GPM6A: variants seen among roughly 807,000 people sequenced by gnomAD.
GPM6A encodes glycoprotein M6A.
A neutral mutation model predicts 32.1 loss-of-function variants in GPM6A; 7 were observed. The ratio of observed to expected loss-of-function variants is 0.22; its 90% CI spans 0.12 to 0.41. The LOEUF is 0.41. Among genes scored for constraint, GPM6A ranks in the 10% least tolerant of loss-of-function variants. The pLI is 1.00. For synonymous variants in GPM6A, 130 were observed against 123.4 expected (o/e 1.05, Z -0.35); for missense variants, 235 against 347.2 (o/e 0.68, Z 2.57).
chr4:175,849,768 A>G (rs1736196489), intron 1 of GPM6A, among the ~76,000 whole-genome samples: 1 of 152,182 alleles, frequency 6.6e-6, no homozygotes, highest in Non-Finnish European at 1.5e-5. Context: ...AGAAGACAGA[A>G]ATATTTATAG....
intron 1 of GPM6A, among the ~76,000 whole-genome samples, chr4:175,893,721 G>T (rs918787249): frequency 2.6e-5 from 4 of 152,090 alleles, no homozygotes; most frequent in African/African-American, 7.2e-5. Context: ...TCTTTGTTCA[G>T]ATCAGATTTG....
chr4:175,813,592 A>G (rs752455237), upstream of GPM6A, among the ~76,000 whole-genome samples: 8 of 151,904 alleles, frequency 5.3e-5, no homozygotes, highest in Admixed American at 5.2e-4. Flanking sequence ...ACACACACAC[A>G]AGGACACACA....
intron 1 of GPM6A, among the ~76,000 whole-genome samples, chr4:175,742,797 C>A (rs766555650): frequency 2.6e-5 from 4 of 152,010 alleles, no homozygotes; most frequent in Non-Finnish European, 5.9e-5. Context: ...TCAAGGAGAG[C>A]CCTAAATATG....
intron 1 of GPM6A, among the ~76,000 whole-genome samples, chr4:176,001,139 A>G (rs902240196): frequency 2.6e-5 from 4 of 152,178 alleles, no homozygotes; most frequent in African/African-American, 9.7e-5. Flanking sequence ...TTAGTAGTCA[A>G]AGCATCCCCT....
intron 1 of GPM6A, among the ~76,000 whole-genome samples, chr4:175,738,831 A>G (rs1010915225): frequency 6.6e-6 from 1 of 152,186 alleles, no homozygotes; most frequent in Non-Finnish European, 1.5e-5. Flanking sequence ...TTTTAGCTGC[A>G]TGCTGAGCTC....
chr4:175,715,357 A>G (rs965644381), intron 1 of GPM6A, among the ~76,000 whole-genome samples: 1 of 152,194 alleles, frequency 6.6e-6, no homozygotes, highest in Non-Finnish European at 1.5e-5. Context: ...GGGATTGTTC[A>G]CGCAGATGCA....
chr4:175,883,610 A>T (rs887669337), intron 1 of GPM6A, among the ~76,000 whole-genome samples: 12 of 152,150 alleles, frequency 7.9e-5, no homozygotes, highest in African/African-American at 2.9e-4. Flanking sequence ...ACTTACTTGA[A>T]AGTTTCCTAA....
intron 1 of GPM6A, among the ~76,000 whole-genome samples, chr4:175,808,303 T>G (rs960382133): frequency 6.6e-6 from 1 of 152,214 alleles, no homozygotes; most frequent in Non-Finnish European, 1.5e-5. Context: ...GATTCCTTTA[T>G]AGTAATATGT....
chr4:175,688,046 T>C (rs1368324769), intron 2 of GPM6A, among the ~76,000 whole-genome samples: 3 of 152,208 alleles, frequency 2.0e-5, no homozygotes, highest in African/African-American at 7.2e-5. Flanking sequence ...TTTTTGTTTT[T>C]GTTTTTTTGC....
At chr4:175,864,148 C>A (rs1039878717) in intron 1 of GPM6A, among the ~76,000 whole-genome samples, 3 of 152,014 alleles carry the variant, frequency 2.0e-5, no homozygotes, top group African/African-American at 7.2e-5. Context: ...TAAAGTTGAG[C>A]AAGTTTTCAT....
At chr4:175,883,777 T>A (rs978533730) in intron 1 of GPM6A, among the ~76,000 whole-genome samples, 1 of 152,172 alleles carries the variant, frequency 6.6e-6, no homozygotes, top group African/African-American at 2.4e-5. Context: ...GATAAGCAAA[T>A]TCACTTTTGT....
intron 2 of GPM6A, among the ~76,000 whole-genome samples, chr4:175,674,974 C>T: frequency 6.6e-6 from 1 of 151,510 alleles, no homozygotes; most frequent in East Asian, 1.9e-4. Flanking sequence ...TGTGCACAGC[C>T]AGAACTGATA....
intron 1 of GPM6A, chr4:175,807,541 G>A (rs1369488110): frequency 6.6e-6 from 1 of 152,184 alleles, no homozygotes; most frequent in African/African-American, 2.4e-5. Context: ...AGAGCATACT[G>A]AGAGTCATCT....
chr4:175,673,356 A>G (rs976825520), intron 3 of GPM6A, among the ~76,000 whole-genome samples: 1 of 152,020 alleles, frequency 6.6e-6, no homozygotes, highest in African/African-American at 2.4e-5. Context: ...TGTATTGCTT[A>G]TAAATTGGAG....
Position 175,964,565 on chromosome 4 carries a change from C to T in GPM6A, c.-23+37744G>A, listed in dbSNP as rs115615673. Among the ~76,000 whole-genome samples, 192 of 152,214 alleles carry T rather than the reference C, an allele frequency of 1.3e-3. 2 individuals carry two copies. Among genetic ancestry groups the T allele is most frequent in the African/African-American group, 4.2e-3 (174 of 41,536 alleles). The stretch of plus-strand genomic sequence containing the variant: ...GATGGCCACTTTCTTCTCTTTGTAT[C>T]GTTACATGATCTTGCCTCTGTGTGT... On this transcript the variant is annotated intron_variant, in intron 1 of 7. Transcript: ENST00000280187.
chr4:175,722,587 T>A (rs538850365), intron 1 of GPM6A, among the ~76,000 whole-genome samples: 12 of 152,232 alleles, frequency 7.9e-5, no homozygotes, highest in Admixed American at 5.9e-4. Flanking sequence ...GTCCATAATT[T>A]ACTTTTACCA....
chr4:175,731,566 C>G (rs1189762155), intron 1 of GPM6A, among the ~76,000 whole-genome samples: 1 of 152,206 alleles, frequency 6.6e-6, no homozygotes, highest in Non-Finnish European at 1.5e-5. Flanking sequence ...ACAGGCCAGG[C>G]TCTATAAATA....
chr4:175,792,971 G>A (rs1180477089), intron 1 of GPM6A, among the ~76,000 whole-genome samples: 2 of 152,156 alleles, frequency 1.3e-5, no homozygotes, highest in East Asian at 1.9e-4. Flanking sequence ...TTAAGGCCAG[G>A]AGTTTCAGAC....
intron 1 of GPM6A, among the ~76,000 whole-genome samples, chr4:175,976,781 T>C (rs1346193743): frequency 6.6e-6 from 1 of 152,108 alleles, no homozygotes; most frequent in Non-Finnish European, 1.5e-5. Context: ...ACGGTACAAG[T>C]GAGGTAGAAC....
Sources: gnomAD v4.1 joint callset for allele counts (sites outside exome capture counted in the v4.1 genomes callset) on GRCh38, gnomAD v4.1.1 for gene constraint, MANE v1.5 for transcripts, NCBI Gene and HGNC (gene_info 2026-07-23, HGNC 2026-07-21) for gene names.